Variants in STRBP observed in about 807,000 individuals in gnomAD.
STRBP encodes the protein spermatid perinuclear RNA binding protein, also known as spermatid perinuclear RNA-binding protein.
A neutral mutation model predicts 80.1 loss-of-function variants in STRBP; 13 were observed. That is an observed-to-expected ratio of 0.16 (90% CI 0.11 to 0.26). The LOEUF (loss-of-function observed/expected upper bound fraction) is 0.26. Among genes scored for constraint, STRBP ranks in the 10% least tolerant of loss-of-function variants. The pLI, the probability that STRBP is intolerant of heterozygous loss-of-function variation, is 1.00. For missense variants in STRBP, 485 were observed against 815.2 expected (o/e 0.59, Z 4.93); for synonymous variants, 284 against 291.2 (o/e 0.98, Z 0.25).
chr9:123,213,419 T>C (rs1373465139), intron 2 of STRBP, among the ~76,000 whole-genome samples: 2 of 152,192 alleles, frequency 1.3e-5, no homozygotes, highest in Non-Finnish European at 2.9e-5. Context: ...ATCGACTAAA[T>C]TCAGCTTCAA....
chr9:123,251,485 T>A (rs996504494), intron 1 of STRBP, among the ~76,000 whole-genome samples: 1 of 152,200 alleles, frequency 6.6e-6, no homozygotes, highest in Non-Finnish European at 1.5e-5. Context: ...CAGTGCTCTC[T>A]CCACTTTACC....
intron 1 of STRBP, among the ~76,000 whole-genome samples, chr9:123,267,879 C>A (rs1367903075): frequency 6.7e-6 from 1 of 149,976 alleles, no homozygotes; most frequent in Non-Finnish European, 1.5e-5. Flanking sequence ...TAGTGCCCCC[C>A]CCCACCGGAC....
chr9:123,245,522 T>C (rs533664072), intron 1 of STRBP, among the ~76,000 whole-genome samples: 6 of 152,302 alleles, frequency 3.9e-5, no homozygotes, highest in Non-Finnish European at 7.4e-5. Context: ...CCTGAGTAGC[T>C]GGGAGCTGCC....
chr9:123,211,253 A>C (rs2039699153), intron 2 of STRBP, among the ~76,000 whole-genome samples: 1 of 152,256 alleles, frequency 6.6e-6, no homozygotes, highest in Non-Finnish European at 1.5e-5. Flanking sequence ...TTAGCATTAC[A>C]TTAAGTAAAA....
intron 6 of STRBP, among the ~76,000 whole-genome samples, chr9:123,162,630 C>T (rs1401315841): frequency 9.2e-5 from 14 of 152,158 alleles, no homozygotes. Context: ...ACTGTAAAGG[C>T]TGAAGTGCTA....
At chr9:123,129,545 G>T (rs1469832323) in intron 17 of STRBP, among the ~76,000 whole-genome samples, 1 of 152,038 alleles carries the variant, frequency 6.6e-6, no homozygotes, top group Non-Finnish European at 1.5e-5. Context: ...TCCTTCTCTG[G>T]ATGACCAACT....
intron 14 of STRBP, among the ~76,000 whole-genome samples, chr9:123,138,090 T>C (rs2036436644): frequency 6.6e-6 from 1 of 152,226 alleles, no homozygotes; most frequent in Non-Finnish European, 1.5e-5. Flanking sequence ...ATAAGGGCTT[T>C]GTTTTCTCCT....
intron 2 of STRBP, among the ~76,000 whole-genome samples, chr9:123,198,796 T>C (rs1192461230): frequency 1.3e-5 from 2 of 152,214 alleles, no homozygotes; most frequent in African/African-American, 2.4e-5. Context: ...GTTTCATTCA[T>C]CTACTACATG....
intron 1 of STRBP, among the ~76,000 whole-genome samples, chr9:123,252,127 A>C (rs2132632617): frequency 6.6e-6 from 1 of 152,260 alleles, no homozygotes; most frequent in South Asian, 2.1e-4. Flanking sequence ...GAAAACTGAC[A>C]CATGGCACTT....
intron 2 of STRBP, among the ~76,000 whole-genome samples, chr9:123,218,526 C>A (rs568878561): frequency 0.014 from 2,116 of 150,854 alleles, 48 homozygotes; most frequent in African/African-American, 0.048. Context: ...CCCGCCACCG[C>A]GCCCGGCTAA....
At chr9:123,157,809 A>G (rs2037353135) in intron 11 of STRBP, among the ~76,000 whole-genome samples, 1 of 151,976 alleles carries the variant, frequency 6.6e-6, no homozygotes, top group Non-Finnish European at 1.5e-5. Flanking sequence ...TCTGTCCCAC[A>G]ACACCTAGGG....
At chr9:123,221,657 G>A (rs118119681) in intron 2 of STRBP, among the ~76,000 whole-genome samples, 1,591 of 152,222 alleles carry the variant, frequency 0.01, 7 homozygotes, top group Admixed American at 0.015. Flanking sequence ...ATACTTCAGC[G>A]TCTTTTTTAA....
At chr9:123,244,521 G>C (rs183291132) in intron 1 of STRBP, among the ~76,000 whole-genome samples, 114 of 152,268 alleles carry the variant, frequency 7.5e-4, no homozygotes, top group Non-Finnish European at 1.3e-3. Flanking sequence ...CATGGTAACA[G>C]ATGTTAATAA....
intron 1 of STRBP, among the ~76,000 whole-genome samples, chr9:123,248,268 T>G (rs1487517514): frequency 7.0e-6 from 1 of 142,012 alleles, no homozygotes; most frequent in South Asian, 2.4e-4. Flanking sequence ...CGTGTTTTTT[T>G]TTTTTTTTTT....
At chr9:123,160,585 A>G (rs1041809953) in intron 7 of STRBP, 123 bp from the exon 8 acceptor site, 1 of 511,442 alleles carries the variant, frequency 2.0e-6, no homozygotes, top group East Asian at 3.5e-5. Flanking sequence ...CAAAAAAATC[A>G]ATTAATCACA....
At chr9:123,223,234 T>C (rs916552188) in intron 2 of STRBP, among the ~76,000 whole-genome samples, 5 of 152,176 alleles carry the variant, frequency 3.3e-5, no homozygotes, top group African/African-American at 1.2e-4. Context: ...GGTTAATAAG[T>C]GGAAACGGGA....
chr9:123,132,079 T>C (rs112314562), intron 17 of STRBP, among the ~76,000 whole-genome samples: 3 of 152,208 alleles, frequency 2.0e-5, no homozygotes, highest in African/African-American at 7.2e-5. Context: ...ACATAAGAAT[T>C]AGAAGGGAAG....
chr9:123,111,328 A>G, intron 3 of STRBP: 1 of 257,408 alleles, frequency 3.9e-6, no homozygotes. Flanking sequence ...CTAAGACACG[A>G]CTTGTAAATT....
In STRBP at chr9:123,123,354, C is replaced by T. The variant is rs372477726; in HGVS notation, c.*2243G>A. ...TTACAAAATGGAAGGGTGGGAAGGGCAACAGGTGGGGGGACACTTAATTCA... is the reference window on the plus strand; with the variant it reads ...TTACAAAATGGAAGGGTGGGAAGGGTAACAGGTGGGGGGACACTTAATTCA... On this transcript the variant is annotated 3_prime_UTR_variant, in exon 19 of 19. Coordinates refer to ENST00000348403, the MANE Select transcript of STRBP (RefSeq NM_018387.5). 1.3e-5 allele frequency: 13 copies of T among 985,316 alleles called. No individual in the cohort carries two copies. The East Asian group carries it at 7.9e-4, about 60-fold the overall frequency. The allele number at this position is 985,316 out of a possible 1,614,324, so 61.0% of individuals were successfully genotyped here. A position where few individuals can be genotyped will look rare whatever the true frequency, so the allele number is the denominator to read the frequency against.
Sources: gnomAD v4.1 joint callset for allele counts (sites outside exome capture counted in the v4.1 genomes callset) on GRCh38, gnomAD v4.1.1 for gene constraint, MANE v1.5 for transcripts, NCBI Gene and HGNC (gene_info 2026-07-23, HGNC 2026-07-21) for gene names.